Variants in CDKL5 observed in about 807,000 individuals in gnomAD.
CDKL5 encodes the protein cyclin-dependent kinase-like 5.
A neutral mutation model predicts 61.7 loss-of-function variants in CDKL5; 8 were observed. The observed-to-expected ratio is 0.13, with a 90% CI of 0.08 to 0.23. The LOEUF (loss-of-function observed/expected upper bound fraction) is 0.23, where lower values mean the gene tolerates loss of function less well. Ranked by LOEUF, CDKL5 falls within the 10% of genes least tolerant of loss-of-function variation. CDKL5 has a pLI of 1.00. For missense variants in CDKL5, 440 were observed against 734.5 expected, an observed-to-expected ratio of 0.60 and a Z score of 4.63; for synonymous variants, 275 against 272.3, an observed-to-expected ratio of 1.01 and a Z score of -0.10.
intron 1 of CDKL5, among the ~76,000 whole-genome samples, chrX:18,479,557 G>T (rs1049272789): frequency 9.1e-6 from 1 of 109,718 alleles, no homozygotes; most frequent in Admixed American, 9.8e-5. Flanking sequence ...TTGACCTTGT[G>T]TTCCGCCCAC....
At chrX:18,506,242 C>G (rs2147091536) in intron 1 of CDKL5, among the ~76,000 whole-genome samples, 1 of 111,541 alleles carries the variant, frequency 9.0e-6, no homozygotes, top group Non-Finnish European at 1.9e-5. Context: ...CCTGCCCCAC[C>G]CTTGGAATCA....
At chrX:18,565,989 A>G (rs918921451) in intron 4 of CDKL5, among the ~76,000 whole-genome samples, 1 of 111,892 alleles carries the variant, frequency 8.9e-6, no homozygotes, top group Non-Finnish European at 1.9e-5. Flanking sequence ...GTGATTTCCT[A>G]AAAAGAATGG....
chrX:18,531,889 G>A (rs1485611682), intron 3 of CDKL5, among the ~76,000 whole-genome samples: 1 of 105,689 alleles, frequency 9.5e-6, no homozygotes, highest in Non-Finnish European at 1.9e-5. Flanking sequence ...TGTATTTTTA[G>A]TAGAGACGGG....
intron 14 of CDKL5, among the ~76,000 whole-genome samples, chrX:18,611,552 T>C (rs1298732393): frequency 2.7e-5 from 3 of 111,579 alleles, no homozygotes; most frequent in African/African-American, 9.8e-5. Flanking sequence ...ACCAAAGCAT[T>C]ACCTCCAAAA....
intron 1 of CDKL5, among the ~76,000 whole-genome samples, chrX:18,478,106 A>G (rs548753260): frequency 5.4e-5 from 6 of 111,035 alleles, no homozygotes; most frequent in African/African-American, 1.3e-4. Context: ...TCTTCTAGCA[A>G]TGAATTCTCT....
chrX:18,487,897 C>A (rs1349161653), intron 1 of CDKL5, among the ~76,000 whole-genome samples: 1 of 110,770 alleles, frequency 9.0e-6, no homozygotes, highest in Non-Finnish European at 1.9e-5. Flanking sequence ...GCCTGGGCGA[C>A]AGAGTGAGAC....
chrX:18,445,784 A>G (rs1304933631), intron 1 of CDKL5, among the ~76,000 whole-genome samples: 1 of 111,402 alleles, frequency 9.0e-6, no homozygotes, highest in Non-Finnish European at 1.9e-5. Flanking sequence ...CTCCCCAGCC[A>G]TACGGAACTG....
chrX:18,549,878 G>A (rs1184872360), intron 3 of CDKL5, among the ~76,000 whole-genome samples: 1 of 111,608 alleles, frequency 9.0e-6, no homozygotes, highest in African/African-American at 3.3e-5. Context: ...TTAACACAAT[G>A]TAAGCAGCCA....
At chrX:18,606,652 A>G (rs759849632) in intron 12 of CDKL5, among the ~76,000 whole-genome samples, 1 of 112,431 alleles carries the variant, frequency 8.9e-6, no homozygotes, top group East Asian at 2.8e-4. Context: ...AAGGTTGGGA[A>G]GAAAGTGACA....
chrX:18,641,588 T>C (rs746622239), downstream of CDKL5: 5 of 160,390 alleles, frequency 3.1e-5, no homozygotes, highest in East Asian at 8.3e-4. Flanking sequence ...CCCTTCTGCA[T>C]TCAAAGCCAG....
rs1007273980 is a variant in CDKL5 at position 18,510,435 on chromosome X, G to A, written c.65-385G>A. On this transcript the variant is annotated intron_variant, in intron 2 of 17. Transcript: ENST00000623535. ...CTCCCAAAGTGCTGGGATTATAGGCGTGAGCCACTGTGCCTGGCCTAGCTC... is the reference window on the plus strand; with the variant it reads ...CTCCCAAAGTGCTGGGATTATAGGCATGAGCCACTGTGCCTGGCCTAGCTC... Among the ~76,000 whole-genome samples the A allele has an allele frequency of 2.7e-5, 3 of 112,405 alleles. No homozygotes were observed. The South Asian group carries it at 1.1e-3, about 41-fold the overall frequency.
intron 3 of CDKL5, among the ~76,000 whole-genome samples, chrX:18,561,463 A>G (rs181021510): frequency 9.0e-6 from 1 of 111,296 alleles, no homozygotes; most frequent in African/African-American, 3.3e-5. Context: ...TAGCTCATGT[A>G]TCTATAATTA....
chrX:18,429,739 G>A (rs1352470945), intron 1 of CDKL5, among the ~76,000 whole-genome samples: 2 of 111,857 alleles, frequency 1.8e-5, no homozygotes, highest in Non-Finnish European at 3.8e-5. Context: ...AGACTCAGTG[G>A]ATCCTCCCAT....
intron 1 of CDKL5, among the ~76,000 whole-genome samples, chrX:18,458,690 C>T (rs1207598988): frequency 1.8e-5 from 2 of 109,478 alleles, no homozygotes; most frequent in African/African-American, 6.6e-5. Flanking sequence ...CGCTGCATTC[C>T]AGCCTAGGCG....
intron 3 of CDKL5, among the ~76,000 whole-genome samples, chrX:18,514,352 A>G (rs1435133671): frequency 9.0e-6 from 1 of 111,354 alleles, no homozygotes; most frequent in Non-Finnish European, 1.9e-5. Flanking sequence ...TGACATGCAT[A>G]TGAAAACTCT....
At chrX:18,609,954 G>A (rs955821224) in intron 14 of CDKL5, among the ~76,000 whole-genome samples, 14 of 112,160 alleles carry the variant, frequency 1.2e-4, no homozygotes, top group African/African-American at 4.2e-4. Flanking sequence ...TCACCATCAC[G>A]GAACTCACTT....
At chrX:18,451,337 G>A (rs1338416756) in intron 1 of CDKL5, among the ~76,000 whole-genome samples, 2 of 109,821 alleles carry the variant, frequency 1.8e-5, no homozygotes, top group East Asian at 2.9e-4. Context: ...GATTACAGGC[G>A]CCCGCCACCA....
chrX:18,578,099 A>G (rs1925359021), intron 5 of CDKL5, among the ~76,000 whole-genome samples: 2 of 111,938 alleles, frequency 1.8e-5, no homozygotes, highest in South Asian at 3.7e-4. Flanking sequence ...GTGCAAAAAC[A>G]TCTGCAAAGG....
chrX:18,609,388 T>G (rs1317349016), intron 13 of CDKL5, 77 bp from the exon 14 acceptor site: 1 of 1,200,542 alleles, frequency 8.3e-7, no homozygotes, highest in Non-Finnish European at 1.1e-6. Context: ...AGTGAGACCC[T>G]GTCTCAAGAA....
Sources: gnomAD v4.1 joint callset for allele counts (sites outside exome capture counted in the v4.1 genomes callset) on GRCh38, gnomAD v4.1.1 for gene constraint, MANE v1.5 for transcripts, NCBI Gene and HGNC (gene_info 2026-07-23, HGNC 2026-07-21) for gene names.